Variants in TMC1 observed in about 807,000 individuals in gnomAD.
TMC1 encodes transmembrane channel like 1, also known as transmembrane channel-like protein 1.
TMC1 carries 84 observed loss-of-function variants against 105.8 expected under a neutral mutation model. That is an observed-to-expected ratio of 0.79 (90% CI 0.67 to 0.95). The LOEUF is 0.95. Ranked by LOEUF, TMC1 falls within the 40% of genes least tolerant of loss-of-function variation. The pLI is 0.00. For synonymous variants in TMC1, 315 were observed against 311.5 expected (o/e 1.01, Z -0.12); for missense variants, 817 against 914.1 (o/e 0.89, Z 1.37).
intron 8 of TMC1, among the ~76,000 whole-genome samples, chr9:72,723,111 T>C (rs1005862555): frequency 1.3e-5 from 2 of 152,180 alleles, no homozygotes; most frequent in African/African-American, 4.8e-5. Flanking sequence ...GATTCCATAA[T>C]GTGAAGGCTC....
chr9:72,806,343 T>C (rs1479956978), intron 18 of TMC1, among the ~76,000 whole-genome samples: 48 of 86,382 alleles, frequency 5.6e-4, no homozygotes, highest in Non-Finnish European at 8.2e-4. Context: ...GCTGGCCGGG[T>C]GGGGGGCTGA....
At chr9:72,710,779 G>A (rs1826822054) in intron 8 of TMC1, among the ~76,000 whole-genome samples, 1 of 151,982 alleles carries the variant, frequency 6.6e-6, no homozygotes, top group South Asian at 2.1e-4. Flanking sequence ...TACTTAGTTG[G>A]TGAATACTTT....
intron 18 of TMC1, among the ~76,000 whole-genome samples, chr9:72,812,560 T>C (rs1382314046): frequency 6.6e-6 from 1 of 152,190 alleles, no homozygotes; most frequent in Non-Finnish European, 1.5e-5. Flanking sequence ...CAGAATCCCC[T>C]GAGGACCTGT....
intron 4 of TMC1, among the ~76,000 whole-genome samples, chr9:72,640,789 G>A (rs1328221234): frequency 6.6e-5 from 10 of 151,802 alleles, no homozygotes; most frequent in Non-Finnish European, 1.2e-4. Context: ...CCGCCACTAC[G>A]CCTGGCTAAT....
At chr9:72,820,808 C>T (rs1257074392) in intron 19 of TMC1, 34 bp from the exon 20 acceptor site, 1 of 1,613,298 alleles carries the variant, frequency 6.2e-7, no homozygotes, top group Non-Finnish European at 8.5e-7. Context: ...GGAGTAAAGA[C>T]TCAAAACTGA....
chr9:72,642,670 C>A (rs1290999085), intron 4 of TMC1, among the ~76,000 whole-genome samples: 1 of 152,150 alleles, frequency 6.6e-6, no homozygotes, highest in African/African-American at 2.4e-5. Flanking sequence ...TAAAAAGACT[C>A]AATATAGGCA....
At chr9:72,713,839 A>G (rs527988394) in intron 8 of TMC1, among the ~76,000 whole-genome samples, 1 of 149,318 alleles carries the variant, frequency 6.7e-6, no homozygotes, top group East Asian at 2.0e-4. Context: ...TTGCTTCTCT[A>G]GTTCTTTTAA....
At chr9:72,822,361 G>C (rs913068012) in intron 20 of TMC1, among the ~76,000 whole-genome samples, 5 of 152,210 alleles carry the variant, frequency 3.3e-5, no homozygotes, top group African/African-American at 1.2e-4. Context: ...ATTGCTGACA[G>C]ACTAAGTATA....
At chr9:72,603,420 C>CACACCACACTCCACACGCACACACAT (rs1824853782) in intron 2 of TMC1, among the ~76,000 whole-genome samples, 3 of 148,734 alleles carry the variant, frequency 2.0e-5, no homozygotes, top group African/African-American at 7.5e-5. Context: ...CACACACACA[C>CACACCACACTCCACACGCACACACAT]ACCACACTCC....
intron 5 of TMC1, among the ~76,000 whole-genome samples, chr9:72,677,803 G>A (rs2132174007): frequency 6.6e-6 from 1 of 152,140 alleles, no homozygotes; most frequent in East Asian, 1.9e-4. Context: ...ATTCATGCTG[G>A]CTTAACTCAT....
chr9:72,773,591 G>T (rs1827965111), intron 13 of TMC1, among the ~76,000 whole-genome samples: 1 of 152,086 alleles, frequency 6.6e-6, no homozygotes, highest in Non-Finnish European at 1.5e-5. Flanking sequence ...AAATATAAGA[G>T]ACTGTCCATC....
rs71357586 is a variant in TMC1, at chr9:72,563,899, C to CAAAAA, written c.-427-13983_-427-13979dup. The stretch of plus-strand genomic sequence containing the variant: ...GGACAACAGGAGCAAAACTCTGGCT[C>CAAAAA]AAAAAAAAAAAAAAAAAAAAAAAAG... On this transcript the variant is annotated intron_variant, in intron 1 of 23. Coordinates refer to ENST00000297784, the MANE Select transcript of TMC1 (RefSeq NM_138691.3). Among the ~76,000 whole-genome samples the CAAAAA allele has an allele frequency of 8.1e-4, 42 of 52,130 alleles. 1 individual carries two copies. The highest frequency in any genetic ancestry group is 2.7e-3 in the African/African-American group (34 of 12,414). The allele number at this position is 52,130 out of a possible 152,430, so 34.2% of individuals were successfully genotyped here.
chr9:72,596,609 C>T (rs73651606), intron 2 of TMC1, among the ~76,000 whole-genome samples: 17,009 of 149,154 alleles, frequency 0.11, 1,106 homozygotes, highest in Non-Finnish European at 0.16. Context: ...TTCTCATCCA[C>T]GAAAAAAGTT....
chr9:72,687,668 C>T (rs1389420874), intron 5 of TMC1, among the ~76,000 whole-genome samples: 2 of 152,114 alleles, frequency 1.3e-5, no homozygotes, highest in Non-Finnish European at 2.9e-5. Flanking sequence ...ATGGAATTTA[C>T]ACTCTTGGCA....
chr9:72,686,442 T>G (rs970426749), intron 5 of TMC1, among the ~76,000 whole-genome samples: 2 of 152,222 alleles, frequency 1.3e-5, no homozygotes, highest in Non-Finnish European at 2.9e-5. Flanking sequence ...TGGAGGGAGT[T>G]CTTAACATAG....
intron 18 of TMC1, among the ~76,000 whole-genome samples, chr9:72,805,836 T>G (rs911561786): frequency 4.6e-5 from 7 of 152,172 alleles, no homozygotes; most frequent in African/African-American, 1.2e-4. Context: ...ACACAGCACA[T>G]GTTTCAGAGA....
At chr9:72,559,097 T>C (rs994070698) in intron 1 of TMC1, among the ~76,000 whole-genome samples, 6 of 150,936 alleles carry the variant, frequency 4.0e-5, no homozygotes, top group Non-Finnish European at 5.9e-5. Flanking sequence ...GGAAGATTTT[T>C]CTTTTTTTTT....
chr9:72,604,796 G>T (rs1824880969), intron 2 of TMC1, among the ~76,000 whole-genome samples: 1 of 152,218 alleles, frequency 6.6e-6, no homozygotes, highest in Non-Finnish European at 1.5e-5. Context: ...CCTCAACTGA[G>T]TTTTGTACAA....
chr9:72,631,298 T>C (rs369199425), intron 4 of TMC1, among the ~76,000 whole-genome samples: 1 of 152,256 alleles, frequency 6.6e-6, no homozygotes, highest in Admixed American at 6.5e-5. Flanking sequence ...ATATTTTTGT[T>C]ACTGGACAAG....
Sources: allele counts gnomAD v4.1 joint callset (sites outside exome capture counted in the v4.1 genomes callset), GRCh38; gene constraint gnomAD v4.1.1; transcripts MANE v1.5; gene names NCBI Gene and HGNC (gene_info 2026-07-23, HGNC 2026-07-21).